Variants in MORC1 observed in about 807,000 individuals in gnomAD.
MORC1 encodes MORC family CW-type zinc finger 1.
A neutral mutation model predicts 134.9 loss-of-function variants in MORC1; 59 were observed. The observed-to-expected ratio is 0.44, with a 90% CI of 0.35 to 0.54. The LOEUF (loss-of-function observed/expected upper bound fraction) is 0.54. Ranked by LOEUF, MORC1 falls within the 20% of genes least tolerant of loss-of-function variation. The probability of loss-of-function intolerance (pLI) is 0.00; values close to 1 mark genes in which losing one functional copy is unlikely to be tolerated. For missense variants in MORC1, 947 were observed against 1,134.5 expected (o/e 0.83, Z 2.37); for synonymous variants, 395 against 391.7 (o/e 1.01, Z -0.10).
chr3:109,112,938 C>A (rs1258574549), intron 2 of MORC1, among the ~76,000 whole-genome samples: 1 of 152,220 alleles, frequency 6.6e-6, no homozygotes, highest in Non-Finnish European at 1.5e-5. Context: ...CTTTCCCAAT[C>A]AACCTCTACT....
At chr3:108,967,004 G>T (rs1228337800) in intron 26 of MORC1, among the ~76,000 whole-genome samples, 3 of 152,198 alleles carry the variant, frequency 2.0e-5, no homozygotes, top group African/African-American at 7.2e-5. Context: ...AGTGACTTAT[G>T]TAAGTTTCTC....
At chr3:108,981,045 C>A (rs536819958) in intron 23 of MORC1, among the ~76,000 whole-genome samples, 1 of 151,984 alleles carries the variant, frequency 6.6e-6, no homozygotes, top group African/African-American at 2.4e-5. Flanking sequence ...AAAAATAACT[C>A]ACGGTAAGGA....
chr3:109,053,310 C>T (rs1287467399), intron 14 of MORC1, among the ~76,000 whole-genome samples: 1 of 152,036 alleles, frequency 6.6e-6, no homozygotes, highest in East Asian at 1.9e-4. Flanking sequence ...ACCGAAAGGA[C>T]ACATGCACCC....
intron 14 of MORC1, among the ~76,000 whole-genome samples, chr3:109,052,556 A>G (rs953372236): frequency 6.6e-6 from 1 of 151,968 alleles, no homozygotes; most frequent in East Asian, 1.9e-4. Flanking sequence ...CCTCAACCTC[A>G]TTTCCCCTTT....
chr3:108,975,319 A>G (rs574037593), intron 24 of MORC1, among the ~76,000 whole-genome samples: 25 of 152,350 alleles, frequency 1.6e-4, no homozygotes, highest in African/African-American at 5.3e-4. Context: ...AACTGCTAGT[A>G]TATGTATTTT....
At chr3:109,057,095 C>T (rs1949978882) in intron 13 of MORC1, among the ~76,000 whole-genome samples, 1 of 152,104 alleles carries the variant, frequency 6.6e-6, no homozygotes, top group Non-Finnish European at 1.5e-5. Flanking sequence ...GGAATGGCCC[C>T]ACATCAAGTT....
At chr3:109,017,265 T>C (rs952283719) in intron 17 of MORC1, among the ~76,000 whole-genome samples, 1 of 152,190 alleles carries the variant, frequency 6.6e-6, no homozygotes, top group African/African-American at 2.4e-5. Context: ...TTTAATAATC[T>C]AATGGAATTG....
chr3:109,043,037 T>C (rs750064540), intron 14 of MORC1, among the ~76,000 whole-genome samples: 4 of 152,128 alleles, frequency 2.6e-5, no homozygotes, highest in Non-Finnish European at 5.9e-5. Flanking sequence ...CAATATGTTA[T>C]GTACTTGAAA....
chr3:109,006,879 C>T, intron 18 of MORC1, 150 bp downstream of exon 18: 1 of 466,690 alleles, frequency 2.1e-6, no homozygotes, highest in Non-Finnish European at 3.8e-6. Context: ...ACATGTATTA[C>T]TCTAACAAGA....
At chr3:109,101,620 T>C (rs751356833) in intron 4 of MORC1, 2 of 152,256 alleles carry the variant, frequency 1.3e-5, no homozygotes, top group Non-Finnish European at 2.9e-5. Flanking sequence ...CTATGATATG[T>C]TCCTATGAGG....
intron 24 of MORC1, among the ~76,000 whole-genome samples, chr3:108,976,482 A>C (rs936760498): frequency 6.6e-6 from 1 of 152,218 alleles, no homozygotes; most frequent in Admixed American, 6.5e-5. Flanking sequence ...ATAGCAAATA[A>C]TACTACAAAA....
intron 14 of MORC1, among the ~76,000 whole-genome samples, chr3:109,050,111 A>T (rs187693327): frequency 1.3e-5 from 2 of 152,234 alleles, no homozygotes; most frequent in East Asian, 3.9e-4. Context: ...AACCTTTAGG[A>T]ATATCACTTC....
chr3:109,100,374 C>T (rs1336117019), intron 5 of MORC1, 43 bp downstream of exon 5: 4 of 1,379,560 alleles, frequency 2.9e-6, no homozygotes, highest in East Asian at 2.3e-5. Flanking sequence ...AACAGTGTTC[C>T]CAGTATCAAT....
rs1249457905 is a variant in MORC1 at position 109,082,138 on chromosome 3, C to CT, written c.689+11297dup. On this transcript the variant is annotated intron_variant, in intron 8 of 27. Transcript: ENST00000232603. The stretch of plus-strand genomic sequence containing the variant: ...CACTGCTGGGGAATCCCCCTTAGGA[C>CT]TTTCCCTATTTAGGACAGGGCAGTG... Among the ~76,000 whole-genome samples the CT allele has an allele frequency of 3.9e-5, 6 of 152,114 alleles. No homozygotes were observed. In the East Asian group the frequency reaches 5.8e-4, roughly 15 times the overall value.
chr3:108,996,200 T>A (rs1487631120), intron 21 of MORC1, among the ~76,000 whole-genome samples: 1 of 151,886 alleles, frequency 6.6e-6, no homozygotes, highest in African/African-American at 2.4e-5. Context: ...GTACCTGAAT[T>A]TCATCATGGC....
intron 16 of MORC1, among the ~76,000 whole-genome samples, chr3:109,031,487 T>A (rs1327755615): frequency 1.3e-5 from 2 of 152,190 alleles, no homozygotes; most frequent in Non-Finnish European, 2.9e-5. Flanking sequence ...TAGTTCATGG[T>A]AAGTTCATAT....
At chr3:108,965,050 C>A (rs3804724) in intron 26 of MORC1, among the ~76,000 whole-genome samples, 54,876 of 152,012 alleles carry the variant, frequency 0.36, 10,684 homozygotes, top group Non-Finnish European at 0.43. Context: ...GGAGAGATAT[C>A]TACTGCCTGA....
chr3:109,068,519 A>T (rs1414858946), intron 9 of MORC1, among the ~76,000 whole-genome samples: 5 of 152,166 alleles, frequency 3.3e-5, no homozygotes, highest in Non-Finnish European at 7.4e-5. Flanking sequence ...CATCTAGGTC[A>T]TTGCAAATGC....
At chr3:109,086,447 G>C (rs1950618464) in intron 8 of MORC1, among the ~76,000 whole-genome samples, 1 of 151,938 alleles carries the variant, frequency 6.6e-6, no homozygotes, top group Non-Finnish European at 1.5e-5. Context: ...GGGTAATATA[G>C]GGGATATTTG....
Sources: gnomAD v4.1 joint callset for allele counts (sites outside exome capture counted in the v4.1 genomes callset) on GRCh38, gnomAD v4.1.1 for gene constraint, MANE v1.5 for transcripts, NCBI Gene and HGNC (gene_info 2026-07-23, HGNC 2026-07-21) for gene names.